PDE4B: variants seen among roughly 807,000 people sequenced by gnomAD.
PDE4B encodes phosphodiesterase 4B.
A neutral mutation model predicts 82.2 loss-of-function variants in PDE4B; 20 were observed. That is an observed-to-expected ratio of 0.24 (90% CI 0.17 to 0.35). PDE4B has a LOEUF of 0.35. PDE4B is among the 10% of genes least tolerant of loss of function. PDE4B has a pLI of 1.00. For missense variants in PDE4B, 655 were observed against 907.2 expected (o/e 0.72, Z 3.57); for synonymous variants, 320 against 318.9 (o/e 1.00, Z -0.04).
intron 6 of PDE4B, among the ~76,000 whole-genome samples, chr1:66,263,052 G>A (rs549880650): frequency 4.6e-5 from 7 of 152,330 alleles, no homozygotes; most frequent in South Asian, 2.1e-4. Context: ...AATCCAGTGC[G>A]TATGTGTTGA....
chr1:66,058,956 A>G (rs7525573), intron 3 of PDE4B, among the ~76,000 whole-genome samples: 32,951 of 152,168 alleles, frequency 0.22, 4,111 homozygotes, highest in Middle Eastern at 0.36. Flanking sequence ...TTTCTATCAC[A>G]TTGTCAAGCT....
intron 3 of PDE4B, among the ~76,000 whole-genome samples, chr1:66,119,547 T>C (rs1425852264): frequency 6.6e-6 from 1 of 152,220 alleles, no homozygotes; most frequent in African/African-American, 2.4e-5. Flanking sequence ...AGCAGTCCTG[T>C]GTTATAGGAC....
chr1:66,047,055 G>A (rs1654756332), intron 3 of PDE4B, among the ~76,000 whole-genome samples: 1 of 151,842 alleles, frequency 6.6e-6, no homozygotes, highest in South Asian at 2.1e-4. Context: ...TAACTTTAGA[G>A]TATTAATTCC....
intron 1 of PDE4B, among the ~76,000 whole-genome samples, chr1:65,826,694 A>G (rs1354705257): frequency 3.3e-5 from 5 of 152,182 alleles, no homozygotes; most frequent in African/African-American, 2.4e-5. Flanking sequence ...CGTCTTGGGG[A>G]AAAAAACAGG....
At chr1:66,220,518 C>T (rs1650893020) in intron 3 of PDE4B, among the ~76,000 whole-genome samples, 1 of 152,100 alleles carries the variant, frequency 6.6e-6, no homozygotes, top group Non-Finnish European at 1.5e-5. Context: ...ATGCTGCTTG[C>T]AAGCTGAGAT....
At position 66,225,979 on chromosome 1, in the gene PDE4B, A is replaced by G. The variant is rs17128567; in HGVS notation, c.282-21481A>G. Among the ~76,000 whole-genome samples, 1,737 of 152,346 alleles carry G rather than the reference A, an allele frequency of 0.011. 59 individuals are homozygous for G. The East Asian group carries it at 0.12, about 10-fold the overall frequency. On this transcript the variant is annotated intron_variant, in intron 3 of 16. Coordinates refer to ENST00000341517, the MANE Select transcript of PDE4B (RefSeq NM_002600.4). ...CTAGGGCAAACACTTGCTTATGTGC[A>G]TACTGAAATTCATTGTCATTCTGCT...
rs1450421066 is a variant in PDE4B at position 66,372,688 on chromosome 1, C to T, written c.*10C>T. The T allele has an allele frequency of 1.9e-6, 3 of 1,601,860 alleles. No individual in the cohort carries two copies. The highest frequency in any genetic ancestry group is 2.7e-5 in the African/African-American group (2 of 74,614). On this transcript the variant is annotated 3_prime_UTR_variant, in exon 17 of 17. Transcript: ENST00000341517. ...CCCCGTGGATACATAATCCCCCTCTCCCTGTGGAGATGAACATTCTATCCT... is the reference window on the plus strand; with the variant it reads ...CCCCGTGGATACATAATCCCCCTCTTCCTGTGGAGATGAACATTCTATCCT...
chr1:66,332,268 C>CCGA lies in PDE4B; in HGVS notation c.635-238_635-236dup. On this transcript the variant is annotated intron_variant, in intron 7 of 16. Transcript: ENST00000341517. ...TCAGAGGAAGTTTCTTGGTAGATCA[C>CCGA]CGACACCTCATCCAGGCGGGGGGTT... The CCGA allele has an allele frequency of 6.7e-6, 10 of 1,486,768 alleles. No individual in the cohort carries two copies. The South Asian group carries it at 1.4e-4, about 20-fold the overall frequency. 92.1% of individuals were successfully genotyped at this position (1,486,768 alleles called of 1,614,324 possible). A position where few individuals can be genotyped will look rare whatever the true frequency, so the allele number is the denominator to read the frequency against.
intron 7 of PDE4B, among the ~76,000 whole-genome samples, chr1:66,312,193 C>T (rs1435890352): frequency 6.6e-6 from 1 of 152,210 alleles, no homozygotes; most frequent in Non-Finnish European, 1.5e-5. Context: ...TGTTGAGCCT[C>T]CATTCTTAAT....
intron 8 of PDE4B, among the ~76,000 whole-genome samples, chr1:66,333,682 G>A (rs904498211): frequency 6.6e-6 from 1 of 152,076 alleles, no homozygotes; most frequent in Non-Finnish European, 1.5e-5. Flanking sequence ...GCTTTCCTGG[G>A]GTAAAAGTAC....
At chr1:65,972,564 G>C (rs551806084) in intron 3 of PDE4B, among the ~76,000 whole-genome samples, 1 of 152,238 alleles carries the variant, frequency 6.6e-6, no homozygotes, top group Non-Finnish European at 1.5e-5. Flanking sequence ...AGTAGTTTTG[G>C]CCAAAAGGTG....
intron 1 of PDE4B, among the ~76,000 whole-genome samples, chr1:65,848,917 CAAG>C (rs1472602335): frequency 6.6e-6 from 1 of 151,954 alleles, no homozygotes; most frequent in Admixed American, 6.6e-5. Context: ...AGGGTCCAAT[CAAG>C]AGACAGGAAC....
intron 7 of PDE4B, among the ~76,000 whole-genome samples, chr1:66,291,193 A>C (rs190594279): frequency 1.3e-5 from 2 of 152,280 alleles, no homozygotes. Context: ...ATTTCCCTTC[A>C]TCTTTAAAAC....
chr1:65,914,410 G>T (rs183767309), intron 2 of PDE4B, among the ~76,000 whole-genome samples: 6 of 151,214 alleles, frequency 4.0e-5, no homozygotes, highest in Admixed American at 3.9e-4. Flanking sequence ...TTGTGTCAAA[G>T]AATCTAGTTA....
intron 7 of PDE4B, among the ~76,000 whole-genome samples, chr1:66,290,205 G>A (rs905739444): frequency 3.9e-5 from 6 of 152,058 alleles, no homozygotes; most frequent in Non-Finnish European, 7.4e-5. Flanking sequence ...GGGGTGAAGG[G>A]CAGTGGGACC....
chr1:66,306,556 A>G (rs1340137100), intron 7 of PDE4B, among the ~76,000 whole-genome samples: 1 of 152,196 alleles, frequency 6.6e-6, no homozygotes, highest in African/African-American at 2.4e-5. Context: ...TTTTAAATCA[A>G]CGTGACTGGG....
rs1271883791 is a variant in PDE4B at position 66,373,795 on chromosome 1, A to T, written c.*1117A>T. ...TGTAATGTTTTGTATTGTGTATTAT[A>T]TAACCCAAACGTCACTTAGTAGAGA... On this transcript the variant is annotated 3_prime_UTR_variant, in exon 17 of 17. Coordinates refer to ENST00000341517, the MANE Select transcript of PDE4B (RefSeq NM_002600.4). The T allele has an allele frequency of 6.6e-6, 1 of 152,438 alleles. No individual in the cohort carries two copies. The highest frequency in any genetic ancestry group is 2.4e-5 in the African/African-American group (1 of 41,464). The allele number at this position is 152,438 out of a possible 1,614,324, so 9.4% of individuals were successfully genotyped here. A position where few individuals can be genotyped will look rare whatever the true frequency, so the allele number is the denominator to read the frequency against.
intron 8 of PDE4B, among the ~76,000 whole-genome samples, chr1:66,344,320 T>C (rs1661230565): frequency 6.6e-6 from 1 of 152,248 alleles, no homozygotes; most frequent in Non-Finnish European, 1.5e-5. Flanking sequence ...GCATCTTTCT[T>C]GTGCATTGCA....
chr1:66,352,591 T>A (rs1044521335), intron 8 of PDE4B, among the ~76,000 whole-genome samples: 2 of 152,228 alleles, frequency 1.3e-5, no homozygotes, highest in East Asian at 3.8e-4. Context: ...ATATAGCTAG[T>A]AAAGAACTGG....
Sources: gnomAD v4.1 joint callset for allele counts (sites outside exome capture counted in the v4.1 genomes callset) on GRCh38, gnomAD v4.1.1 for gene constraint, MANE v1.5 for transcripts, NCBI Gene and HGNC (gene_info 2026-07-23, HGNC 2026-07-21) for gene names.